The following TENM2 variants were observed in gnomAD, a reference collection of about 807,000 sequenced individuals.
The protein encoded by TENM2 is teneurin-2.
In TENM2, 52 loss-of-function variants were observed where a neutral mutation model predicts 245.2. That is an observed-to-expected ratio of 0.21 (90% CI 0.17 to 0.27). The LOEUF (loss-of-function observed/expected upper bound fraction) is 0.27. Among genes scored for constraint, TENM2 ranks in the 10% least tolerant of loss-of-function variants. The pLI, the probability that TENM2 is intolerant of heterozygous loss-of-function variation, is 1.00. For missense variants in TENM2, 3,046 were observed against 3,666.8 expected, an observed-to-expected ratio of 0.83 and a Z score of 4.37; for synonymous variants, 1,363 against 1,438.9, an observed-to-expected ratio of 0.95 and a Z score of 1.19.
At chr5:168,250,165 T>C (rs1028708980) in intron 27 of TENM2, among the ~76,000 whole-genome samples, 2 of 150,650 alleles carry the variant, frequency 1.3e-5, no homozygotes, top group Admixed American at 6.6e-5. Context: ...GATGGATGGA[T>C]GGATGGGTAA....
rs564654557 is a variant in TENM2, at chr5:167,626,878, G to A, written c.503-249108G>A. 5.3e-5 allele frequency among the ~76,000 whole-genome samples: 8 copies of A among 152,212 alleles called. No homozygotes were observed. In the East Asian group the frequency reaches 1.5e-3, roughly 29 times the overall value. On this transcript the variant is annotated intron_variant, in intron 2 of 28. Coordinates refer to ENST00000518659, the Ensembl canonical transcript of TENM2. ...CTGCATCCCCAAAGGCAGTAACACC[G>A]GGGCCGCCACAGTGGTAAGCTCACT...
chr5:167,504,212 C>A (rs898454536), intron 2 of TENM2, among the ~76,000 whole-genome samples: 3 of 152,126 alleles, frequency 2.0e-5, no homozygotes, highest in Non-Finnish European at 4.4e-5. Flanking sequence ...TTATATTAGG[C>A]AACTGGCATT....
chr5:167,184,211 G>T, the TENM2 span, among the ~76,000 whole-genome samples: 2 of 152,242 alleles, frequency 1.3e-5, no homozygotes, highest in South Asian at 4.1e-4. Flanking sequence ...GAAAATAGGG[G>T]GAAGAGCATG....
At chr5:167,097,756 G>A in the TENM2 span, among the ~76,000 whole-genome samples, 1 of 152,142 alleles carries the variant, frequency 6.6e-6, no homozygotes, top group Admixed American at 6.5e-5. Context: ...GGAAAAGACA[G>A]GCCCTTTCTA....
intron 2 of TENM2, among the ~76,000 whole-genome samples, chr5:167,708,280 A>G (rs1045198552): frequency 2.0e-5 from 3 of 152,148 alleles, no homozygotes; most frequent in African/African-American, 7.2e-5. Context: ...TATATTATAT[A>G]TACATACCTT....
intron 9 of TENM2, among the ~76,000 whole-genome samples, chr5:168,113,545 G>C (rs1794844607): frequency 7.2e-6 from 1 of 139,856 alleles, no homozygotes; most frequent in African/African-American, 2.7e-5. Flanking sequence ...TGGACAGGTG[G>C]CTTATCCTGT....
the TENM2 span, among the ~76,000 whole-genome samples, chr5:167,095,937 A>G: frequency 6.6e-6 from 1 of 151,882 alleles, no homozygotes; most frequent in East Asian, 1.9e-4. Context: ...CACCTGGTTA[A>G]TTTTTGTATA....
At chr5:167,063,214 C>T in the TENM2 span, among the ~76,000 whole-genome samples, 1 of 152,048 alleles carries the variant, frequency 6.6e-6, no homozygotes, top group Non-Finnish European at 1.5e-5. Flanking sequence ...AGAGATAAAC[C>T]TTGTCTTGCA....
the TENM2 span, among the ~76,000 whole-genome samples, chr5:167,166,949 C>G: frequency 6.6e-6 from 1 of 152,088 alleles, no homozygotes; most frequent in African/African-American, 2.4e-5. Flanking sequence ...GCTAGATGAG[C>G]AAAGCCATAC....
At chr5:167,929,107 A>AAGAT (rs1405291893) in intron 3 of TENM2, among the ~76,000 whole-genome samples, 22 of 144,234 alleles carry the variant, frequency 1.5e-4, no homozygotes, top group African/African-American at 5.2e-4. Context: ...GAAAGAAAGA[A>AAGAT]AGAAAGAAAG....
intron 23 of TENM2, among the ~76,000 whole-genome samples, chr5:168,220,310 A>T (rs1481523678): frequency 6.6e-6 from 1 of 152,222 alleles, no homozygotes; most frequent in Non-Finnish European, 1.5e-5. Flanking sequence ...GGGAAAAAAC[A>T]TCCCTCTCAG....
At chr5:167,363,179 A>G (rs1012093831) in intron 1 of TENM2, among the ~76,000 whole-genome samples, 76 of 152,310 alleles carry the variant, frequency 5.0e-4, no homozygotes, top group African/African-American at 1.8e-3. Flanking sequence ...GTTAGCCCAC[A>G]GTAGGTTTTC....
chr5:168,096,623 A>G (rs1434206045), intron 8 of TENM2, among the ~76,000 whole-genome samples: 1 of 152,314 alleles, frequency 6.6e-6, no homozygotes, highest in African/African-American at 2.4e-5. Flanking sequence ...TTCAATCCAG[A>G]GTGGGAGTAA....
chr5:167,157,379 G>T, the TENM2 span, among the ~76,000 whole-genome samples: 1 of 152,110 alleles, frequency 6.6e-6, no homozygotes, highest in South Asian at 2.1e-4. Flanking sequence ...GGTAATAATG[G>T]TTTACATTTT....
At chr5:168,158,368 G>A (rs1463155977) in intron 12 of TENM2, among the ~76,000 whole-genome samples, 3 of 152,052 alleles carry the variant, frequency 2.0e-5, no homozygotes, top group African/African-American at 4.8e-5. Context: ...TAGATATGAG[G>A]CAGGCAGACA....
chr5:167,668,485 C>T (rs1755716871), intron 2 of TENM2, among the ~76,000 whole-genome samples: 1 of 152,196 alleles, frequency 6.6e-6, no homozygotes, highest in South Asian at 2.1e-4. Context: ...TTTAATATAA[C>T]TTCCTGCATC....
intron 1 of TENM2, among the ~76,000 whole-genome samples, chr5:167,363,331 G>A (rs549545240): frequency 6.6e-6 from 1 of 152,164 alleles, no homozygotes; most frequent in Non-Finnish European, 1.5e-5. Context: ...CATGCACATT[G>A]CCTGTGTAGA....
In TENM2 at chr5:167,824,829, G is replaced by A. The variant is rs567670857; in HGVS notation, c.503-51157G>A. ...TTACAATGTCCACAACTAATTCAAC[G>A]TTTCAAAAAATGCTGGCTACCCCTG... On this transcript the variant is annotated intron_variant, in intron 2 of 28. Transcript: ENST00000518659. Among the ~76,000 whole-genome samples the A allele has an allele frequency of 3.8e-4, 58 of 152,252 alleles. No homozygotes were observed. The South Asian group carries it at 7.0e-3, about 19-fold the overall frequency.
intron 2 of TENM2, among the ~76,000 whole-genome samples, chr5:167,501,144 G>C (rs998152490): frequency 6.6e-6 from 1 of 152,130 alleles, no homozygotes; most frequent in Non-Finnish European, 1.5e-5. Flanking sequence ...ATTCGCAGAT[G>C]CCTTGGTTCA....
Sources: allele counts gnomAD v4.1 joint callset (sites outside exome capture counted in the v4.1 genomes callset), GRCh38; gene constraint gnomAD v4.1.1; transcripts MANE v1.5; gene names NCBI Gene and HGNC (gene_info 2026-07-23, HGNC 2026-07-21).